BCHE: variants seen among roughly 807,000 people sequenced by gnomAD.
BCHE encodes the protein butyrylcholinesterase, also known as cholinesterase.
A neutral mutation model predicts 51.3 loss-of-function variants in BCHE; 48 were observed. That is an observed-to-expected ratio of 0.94 (90% CI 0.74 to 1.19). BCHE has a LOEUF of 1.19. Among genes scored for constraint, BCHE ranks in the 50% most tolerant of loss-of-function variants. The pLI is 0.00. For missense variants in BCHE, 847 were observed against 708.2 expected (o/e 1.20, Z -2.23); for synonymous variants, 251 against 238.0 (o/e 1.05, Z -0.50).
intron 2 of BCHE, among the ~76,000 whole-genome samples, chr3:165,797,406 C>T (rs1025614423): frequency 7.2e-6 from 1 of 138,972 alleles, no homozygotes; most frequent in African/African-American, 2.8e-5. Flanking sequence ...TATTCATTAG[C>T]TGGGCAAGTG....
At chr3:165,827,250 ATC>A (rs1714755596) in intron 2 of BCHE, among the ~76,000 whole-genome samples, 1 of 152,032 alleles carries the variant, frequency 6.6e-6, no homozygotes, top group Non-Finnish European at 1.5e-5. Flanking sequence ...TAATGTTATT[ATC>A]TCTGTTCAAC....
chr3:165,783,402 GT>G (rs1290170589), intron 3 of BCHE, among the ~76,000 whole-genome samples: 3 of 152,100 alleles, frequency 2.0e-5, no homozygotes, highest in South Asian at 4.2e-4. Context: ...TATTTGTTTT[GT>G]TTTGCTTTTA....
intron 2 of BCHE, among the ~76,000 whole-genome samples, chr3:165,788,550 T>C (rs1713047096): frequency 6.6e-6 from 1 of 152,080 alleles, no homozygotes; most frequent in African/African-American, 2.4e-5. Context: ...AACTAACAAG[T>C]ACAGCTGCTG....
At chr3:165,816,588 A>G (rs1576861449) in intron 2 of BCHE, among the ~76,000 whole-genome samples, 2 of 152,090 alleles carry the variant, frequency 1.3e-5, no homozygotes, top group East Asian at 3.9e-4. Context: ...CCATCAAAAC[A>G]CCACATCTTT....
chr3:165,783,067 G>A (rs1478187384), intron 3 of BCHE, among the ~76,000 whole-genome samples: 1 of 152,042 alleles, frequency 6.6e-6, no homozygotes, highest in Admixed American at 6.6e-5. Context: ...GTGAAGATAG[G>A]AGAGATTATA....
intron 2 of BCHE, among the ~76,000 whole-genome samples, chr3:165,792,962 T>G (rs182636834): frequency 1.3e-5 from 2 of 152,266 alleles, no homozygotes; most frequent in Non-Finnish European, 2.9e-5. Context: ...ATACTTTTTC[T>G]CATTCTGGAG....
In BCHE at chr3:165,791,464, A is replaced by G. The variant is rs116310884; in HGVS notation, c.1518-5153T>C. ...CTTGAACTAGAGACGTAGTGGCAGA[A>G]ATTGAAATAATTAGTCAGATCTTAC... On this transcript the variant is annotated intron_variant, in intron 2 of 3. Coordinates refer to ENST00000264381, the MANE Select transcript of BCHE (RefSeq NM_000055.4). Among the ~76,000 whole-genome samples, 837 of 152,298 alleles carry G rather than the reference A, an allele frequency of 5.5e-3. 6 individuals are homozygous for G. The highest frequency in any genetic ancestry group is 0.019 in the African/African-American group (798 of 41,564).
At chr3:165,814,869 G>A (rs561496085) in intron 2 of BCHE, among the ~76,000 whole-genome samples, 4 of 151,008 alleles carry the variant, frequency 2.6e-5, no homozygotes, top group Admixed American at 2.0e-4. Context: ...CCCATCAGAC[G>A]TATGGGTCAT....
intron 2 of BCHE, among the ~76,000 whole-genome samples, chr3:165,826,489 G>T (rs1714727031): frequency 6.6e-6 from 1 of 152,066 alleles, no homozygotes; most frequent in Non-Finnish European, 1.5e-5. Context: ...GACATGGGGA[G>T]TAAGATGGCT....
chr3:165,795,576 A>G (rs1433599789), intron 2 of BCHE, among the ~76,000 whole-genome samples: 4 of 152,184 alleles, frequency 2.6e-5, no homozygotes, highest in African/African-American at 7.2e-5. Flanking sequence ...TCCCATCTCC[A>G]GACATTTCTA....
At chr3:165,812,092 A>G (rs867263363) in intron 2 of BCHE, among the ~76,000 whole-genome samples, 81 of 152,164 alleles carry the variant, frequency 5.3e-4, no homozygotes, top group Middle Eastern at 3.4e-3. Context: ...CACCTGAATT[A>G]CATCAGGAAT....
chr3:165,782,276 CTTG>C (rs1179265607), intron 3 of BCHE, among the ~76,000 whole-genome samples: 5 of 152,002 alleles, frequency 3.3e-5, no homozygotes, highest in Admixed American at 2.0e-4. Flanking sequence ...GTCACCAAGT[CTTG>C]TTGTGATTGT....
At chr3:165,821,822 G>A (rs4263329) in intron 2 of BCHE, among the ~76,000 whole-genome samples, 128,272 of 151,756 alleles carry the variant, frequency 0.85, 55,103 homozygotes, top group East Asian at 0.92. Flanking sequence ...TGTATTAACA[G>A]CATTTGGCTT....
At chr3:165,795,047 C>T (rs975205154) in intron 2 of BCHE, among the ~76,000 whole-genome samples, 4 of 151,908 alleles carry the variant, frequency 2.6e-5, no homozygotes, top group South Asian at 2.1e-4. Context: ...GAATAGCTTT[C>T]GGAACTTTGG....
rs3495 is a variant in BCHE, at chr3:165,773,193, C to T, written c.*189G>A. 359,695 of 516,674 alleles carry T rather than the reference C, an allele frequency of 0.7. 128,233 individuals are homozygous for T. The highest frequency in any genetic ancestry group is 0.79 in the East Asian group (24,411 of 30,852). 32.0% of individuals were successfully genotyped at this position (516,674 alleles called of 1,614,324 possible). ...TTATATTGTGAAATTTAATTAAACA[C>T]GTTCTAGCCATTTGGGTTTTGAAAT... On this transcript the variant is annotated 3_prime_UTR_variant, in exon 4 of 4. Coordinates refer to ENST00000264381, the MANE Select transcript of BCHE (RefSeq NM_000055.4).
intron 2 of BCHE, among the ~76,000 whole-genome samples, chr3:165,818,031 T>C (rs1361791461): frequency 6.6e-6 from 1 of 152,086 alleles, no homozygotes; most frequent in African/African-American, 2.4e-5. Flanking sequence ...AAAAGCAGTG[T>C]ACCTTGGAAA....
chr3:165,826,475 A>T (rs1342944201), intron 2 of BCHE, among the ~76,000 whole-genome samples: 1 of 152,126 alleles, frequency 6.6e-6, no homozygotes, highest in East Asian at 1.9e-4. Context: ...TCAGTGATTG[A>T]CTGGACATGG....
At chr3:165,837,007 G>A (rs1715213370) in intron 1 of BCHE, among the ~76,000 whole-genome samples, 1 of 152,004 alleles carries the variant, frequency 6.6e-6, no homozygotes, top group African/African-American at 2.4e-5. Context: ...TTTTTCTTAG[G>A]AAACTCACTA....
chr3:165,815,932 G>A (rs1405767901), intron 2 of BCHE, among the ~76,000 whole-genome samples: 8 of 151,836 alleles, frequency 5.3e-5, no homozygotes, highest in East Asian at 1.9e-4. Context: ...CATGCAATTA[G>A]ACTGTGACCT....
Sources: gnomAD v4.1 joint callset for allele counts (sites outside exome capture counted in the v4.1 genomes callset) on GRCh38, gnomAD v4.1.1 for gene constraint, MANE v1.5 for transcripts, NCBI Gene and HGNC (gene_info 2026-07-23, HGNC 2026-07-21) for gene names.